IMPA2: variants seen among roughly 807,000 people sequenced by gnomAD.
IMPA2 encodes inositol monophosphatase 2.
IMPA2 carries 32 observed loss-of-function variants against 35.1 expected under a neutral mutation model. The ratio of observed to expected loss-of-function variants is 0.91; its 90% CI spans 0.69 to 1.23. The LOEUF (loss-of-function observed/expected upper bound fraction) is 1.23. Ranked by LOEUF, IMPA2 falls within the 50% of genes most tolerant of loss-of-function variation. The pLI is 0.00. For missense variants in IMPA2, 334 were observed against 387.6 expected (o/e 0.86, Z 1.16); for synonymous variants, 135 against 160.6 (o/e 0.84, Z 1.20).
chr18:11,987,392 G>A (rs748536377), intron 1 of IMPA2, among the ~76,000 whole-genome samples: 12 of 152,158 alleles, frequency 7.9e-5, no homozygotes, highest in Non-Finnish European at 1.8e-4. Flanking sequence ...GTGCAGTGGC[G>A]TGATCTTGGC....
At chr18:12,018,161 G>A in intron 5 of IMPA2, 1 of 153,522 alleles carries the variant, frequency 6.5e-6, no homozygotes, top group South Asian at 2.0e-4. Flanking sequence ...GGCTGGTCTT[G>A]AACTCCTGAC....
intron 1 of IMPA2, among the ~76,000 whole-genome samples, chr18:11,988,099 G>T (rs6505701): frequency 1.5e-5 from 2 of 136,630 alleles, no homozygotes; most frequent in Admixed American, 8.3e-5. Context: ...TCCGCTTCCC[G>T]GGCTCAAGCA....
chr18:12,000,858 G>A (rs990334805), intron 2 of IMPA2, among the ~76,000 whole-genome samples: 3 of 150,724 alleles, frequency 2.0e-5, no homozygotes, highest in Non-Finnish European at 3.0e-5. Flanking sequence ...CTCATGATCC[G>A]CCCGCCTCGG....
chr18:12,017,115 C>T (rs1390086609), intron 5 of IMPA2, among the ~76,000 whole-genome samples: 2 of 152,176 alleles, frequency 1.3e-5, no homozygotes, highest in African/African-American at 4.8e-5. Context: ...TAAAAAACAG[C>T]ACTGGATAGA....
At chr18:12,024,345 A>G (rs558917924) in intron 5 of IMPA2, among the ~76,000 whole-genome samples, 228 of 152,258 alleles carry the variant, frequency 1.5e-3, no homozygotes, top group African/African-American at 4.2e-3. Flanking sequence ...TTAGCTGGGC[A>G]TGGTGGTGCG....
At chr18:12,005,315 CAT>C (rs984640923) in intron 2 of IMPA2, among the ~76,000 whole-genome samples, 10 of 152,084 alleles carry the variant, frequency 6.6e-5, no homozygotes, top group Non-Finnish European at 1.2e-4. Context: ...GAGTTATTCT[CAT>C]AAAAAATGTG....
intron 1 of IMPA2, among the ~76,000 whole-genome samples, chr18:11,992,488 G>A (rs148707557): frequency 6.6e-6 from 1 of 152,322 alleles, no homozygotes; most frequent in African/African-American, 2.4e-5. Flanking sequence ...AGGAAAGATA[G>A]TTGGACGTCT....
chr18:12,017,462 A>G (rs564334654), intron 5 of IMPA2, among the ~76,000 whole-genome samples: 4 of 152,166 alleles, frequency 2.6e-5, no homozygotes, highest in East Asian at 1.9e-4. Context: ...CAAATTTCCA[A>G]TTGTCTCGTT....
intron 5 of IMPA2, among the ~76,000 whole-genome samples, chr18:12,020,179 T>TATTTATTTATTTATTTATTG (rs554155222): frequency 6.6e-6 from 1 of 151,118 alleles, no homozygotes; most frequent in African/African-American, 2.4e-5. Flanking sequence ...GGCCTTTATT[T>TATTTATTTATTTATTTATTG]ATTGATTGAT....
chr18:12,027,208 T>G (rs138040517), intron 5 of IMPA2, among the ~76,000 whole-genome samples: 404 of 152,288 alleles, frequency 2.7e-3, no homozygotes, highest in African/African-American at 9.1e-3. Flanking sequence ...TGTGTTTGGG[T>G]GTGTGGCACA....
intron 2 of IMPA2, among the ~76,000 whole-genome samples, chr18:12,002,772 A>AC (rs1352943771): frequency 1.3e-5 from 2 of 151,770 alleles, no homozygotes; most frequent in Non-Finnish European, 2.9e-5. Flanking sequence ...TCAAAAAAAA[A>AC]AAAAAAAAAT....
chr18:11,986,240 C>T (rs1906661945), intron 1 of IMPA2, among the ~76,000 whole-genome samples: 1 of 152,182 alleles, frequency 6.6e-6, no homozygotes. Flanking sequence ...CCTTGTCCGG[C>T]CAGATCTGGT....
chr18:11,998,044 G>A (rs1907009040), intron 1 of IMPA2, among the ~76,000 whole-genome samples: 2 of 152,182 alleles, frequency 1.3e-5, no homozygotes, highest in Admixed American at 1.3e-4. Flanking sequence ...CCATGTGCCT[G>A]TAGTCCTAGC....
chr18:12,007,198 G>A (rs1241572179), intron 2 of IMPA2, among the ~76,000 whole-genome samples: 2 of 143,338 alleles, frequency 1.4e-5, no homozygotes, highest in Non-Finnish European at 3.1e-5. Context: ...TGGGAGGACA[G>A]CACTGCCAGC....
In IMPA2 at chr18:12,013,260, C is replaced by G. The variant is rs575625334; in HGVS notation, c.382-1005C>G. On this transcript the variant is annotated intron_variant, in intron 4 of 7. Coordinates refer to ENST00000269159, the MANE Select transcript of IMPA2 (RefSeq NM_014214.3). Reference sequence around the variant, plus strand: ...GGAGTGGGGGACATTCCTCTGCACTCTGGGAGCTCTTCACAGGCCTCAGGA... The same window carrying G: ...GGAGTGGGGGACATTCCTCTGCACTGTGGGAGCTCTTCACAGGCCTCAGGA... Among the ~76,000 whole-genome samples, 13 of 152,292 alleles carry G rather than the reference C, an allele frequency of 8.5e-5. No homozygotes were observed. The South Asian group carries it at 2.7e-3, about 32-fold the overall frequency.
At chr18:12,002,437 C>T (rs540206393) in intron 2 of IMPA2, among the ~76,000 whole-genome samples, 16 of 152,166 alleles carry the variant, frequency 1.1e-4, no homozygotes, top group Admixed American at 9.8e-4. Context: ...TGCTCCTTGA[C>T]CTGGAAGACA....
At chr18:11,999,605 G>C (rs922457796) in intron 2 of IMPA2, among the ~76,000 whole-genome samples, 1 of 152,232 alleles carries the variant, frequency 6.6e-6, no homozygotes, top group African/African-American at 2.4e-5. Context: ...AGGAGGATGG[G>C]ATGCCAAGTG....
At chr18:12,029,921 G>A (rs188933448) in intron 7 of IMPA2, among the ~76,000 whole-genome samples, 170 of 152,304 alleles carry the variant, frequency 1.1e-3, no homozygotes, top group Non-Finnish European at 1.8e-3. Flanking sequence ...GAGCTTGTGG[G>A]CAGGTAGCCT....
chr18:12,030,336 T>G lies in IMPA2; in HGVS notation c.752-7T>G. 6.2e-7 allele frequency: 1 copy of G among 1,611,968 alleles called. No individual in the cohort carries two copies. The highest frequency in any genetic ancestry group is 8.5e-7 in the Non-Finnish European group (1 of 1,178,016). On this transcript the variant is annotated splice_polypyrimidine_tract_variant and splice_region_variant and intron_variant, in intron 7 of 7. Transcript: ENST00000269159. ...CCGGATGCCTGGCTCTCTCTGTCTG[T>G]CCCCAGGTGGACCCCTCGACCTCAT...
Sources: gnomAD v4.1 joint callset for allele counts (sites outside exome capture counted in the v4.1 genomes callset) on GRCh38, gnomAD v4.1.1 for gene constraint, MANE v1.5 for transcripts, NCBI Gene and HGNC (gene_info 2026-07-23, HGNC 2026-07-21) for gene names.